The following ST6GALNAC5 variants were observed in gnomAD, a reference collection of about 807,000 sequenced individuals.
The protein encoded by ST6GALNAC5 is alpha-N-acetylgalactosaminide alpha-2,6-sialyltransferase 5.
In ST6GALNAC5, 27 loss-of-function variants were observed where a neutral mutation model predicts 33.6. That is an observed-to-expected ratio of 0.80 (90% CI 0.59 to 1.11). The LOEUF (loss-of-function observed/expected upper bound fraction) is 1.11, where lower values mean the gene tolerates loss of function less well. ST6GALNAC5 is among the 50% of genes least tolerant of loss of function. ST6GALNAC5 has a pLI of 0.00. For missense variants in ST6GALNAC5, 428 were observed against 454.0 expected (o/e 0.94, Z 0.52); for synonymous variants, 194 against 171.2 (o/e 1.13, Z -1.04).
At chr1:76,876,876 G>C (rs1020340346) in intron 2 of ST6GALNAC5, among the ~76,000 whole-genome samples, 1 of 152,142 alleles carries the variant, frequency 6.6e-6, no homozygotes, top group Non-Finnish European at 1.5e-5. Context: ...AACTCCCCAT[G>C]AGGCCATCTG....
Position 76,935,831 on chromosome 1 carries a change from C to T in ST6GALNAC5, c.261+67089C>T, listed in dbSNP as rs985806930. ...TGCAATTATTAAATGCCTGCAAAGTCCAGACACTTTCTAGCCCTTGGGATA... is the reference window on the plus strand; with the variant it reads ...TGCAATTATTAAATGCCTGCAAAGTTCAGACACTTTCTAGCCCTTGGGATA... On this transcript the variant is annotated intron_variant, in intron 2 of 4. Coordinates refer to ENST00000477717, the MANE Select transcript of ST6GALNAC5 (RefSeq NM_030965.3). 7.2e-5 allele frequency among the ~76,000 whole-genome samples: 11 copies of T among 152,140 alleles called. No homozygotes were observed. In the South Asian group the frequency reaches 2.3e-3, roughly 32 times the overall value.
intron 2 of ST6GALNAC5, among the ~76,000 whole-genome samples, chr1:76,892,382 CT>C (rs1654032762): frequency 2.0e-5 from 3 of 152,022 alleles, no homozygotes; most frequent in South Asian, 2.1e-4. Flanking sequence ...TTTTTCTCCC[CT>C]TTAGTCACAG....
At chr1:76,962,415 T>G (rs960187283) in intron 2 of ST6GALNAC5, among the ~76,000 whole-genome samples, 1 of 152,202 alleles carries the variant, frequency 6.6e-6, no homozygotes, top group African/African-American at 2.4e-5. Context: ...TTGAAGGAGA[T>G]GTAATTACAG....
At chr1:76,942,968 A>C (rs1239486551) in intron 2 of ST6GALNAC5, among the ~76,000 whole-genome samples, 1 of 152,122 alleles carries the variant, frequency 6.6e-6, no homozygotes, top group Non-Finnish European at 1.5e-5. Flanking sequence ...AATTCCATGA[A>C]AAACAACTCT....
intron 2 of ST6GALNAC5, among the ~76,000 whole-genome samples, chr1:76,902,168 A>C (rs910143411): frequency 5.3e-5 from 8 of 152,214 alleles, no homozygotes; most frequent in Non-Finnish European, 8.8e-5. Flanking sequence ...AAATGAGTTC[A>C]TCAAGGCTGC....
At chr1:76,876,686 C>A (rs925233889) in intron 2 of ST6GALNAC5, among the ~76,000 whole-genome samples, 1 of 152,178 alleles carries the variant, frequency 6.6e-6, no homozygotes, top group Non-Finnish European at 1.5e-5. Flanking sequence ...TGCACAACCA[C>A]GTGCACTGCT....
chr1:76,895,555 A>G (rs1174595728), intron 2 of ST6GALNAC5, among the ~76,000 whole-genome samples: 2 of 152,304 alleles, frequency 1.3e-5, no homozygotes, highest in South Asian at 4.1e-4. Flanking sequence ...AATTGGGAGG[A>G]CCCAGGACAT....
chr1:76,962,048 A>G (rs1270532229), intron 2 of ST6GALNAC5, among the ~76,000 whole-genome samples: 11 of 152,198 alleles, frequency 7.2e-5, no homozygotes, highest in Admixed American at 7.2e-4. Flanking sequence ...CCAAAGTGAA[A>G]CAAACACTGA....
At chr1:76,875,367 TA>T (rs1042779231) in intron 2 of ST6GALNAC5, among the ~76,000 whole-genome samples, 2 of 152,196 alleles carry the variant, frequency 1.3e-5, no homozygotes, top group African/African-American at 4.8e-5. Context: ...GGTAATAACC[TA>T]ATGGACACCC....
At chr1:76,894,125 A>T (rs1654072864) in intron 2 of ST6GALNAC5, among the ~76,000 whole-genome samples, 1 of 152,238 alleles carries the variant, frequency 6.6e-6, no homozygotes, top group Non-Finnish European at 1.5e-5. Context: ...CCTCTGCAGA[A>T]GAAACTATTT....
chr1:77,052,912 T>C (rs12093768), intron 4 of ST6GALNAC5, among the ~76,000 whole-genome samples: 4,176 of 109,726 alleles, frequency 0.038, 129 homozygotes, highest in African/African-American at 0.1. Context: ...AGTGAGGCTC[T>C]GTCTCAAAAA....
intron 2 of ST6GALNAC5, among the ~76,000 whole-genome samples, chr1:76,968,796 A>C (rs1328231222): frequency 2.0e-5 from 3 of 152,048 alleles, no homozygotes; most frequent in African/African-American, 2.4e-5. Flanking sequence ...AATCTCTCAG[A>C]ATTTGCTGTC....
chr1:76,880,100 T>A (rs1333532081), intron 2 of ST6GALNAC5, among the ~76,000 whole-genome samples: 5 of 152,184 alleles, frequency 3.3e-5, no homozygotes, highest in African/African-American at 1.2e-4. Flanking sequence ...TTCATCACTT[T>A]GTCCACTGAA....
intron 2 of ST6GALNAC5, among the ~76,000 whole-genome samples, chr1:76,932,956 T>C (rs1055155327): frequency 6.6e-6 from 1 of 152,150 alleles, no homozygotes; most frequent in Admixed American, 6.6e-5. Context: ...GTTGGAAATA[T>C]ATTTTCAGTC....
intron 4 of ST6GALNAC5, among the ~76,000 whole-genome samples, chr1:77,058,958 C>G (rs1652487306): frequency 6.6e-6 from 1 of 152,222 alleles, no homozygotes; most frequent in East Asian, 1.9e-4. Flanking sequence ...CAGGTACTTA[C>G]AAAATCAGTT....
intron 2 of ST6GALNAC5, among the ~76,000 whole-genome samples, chr1:76,982,927 G>T (rs979900957): frequency 2.0e-5 from 3 of 151,934 alleles, no homozygotes; most frequent in African/African-American, 7.2e-5. Flanking sequence ...CATACGTGAA[G>T]GAGAAATAAA....
intron 2 of ST6GALNAC5, among the ~76,000 whole-genome samples, chr1:76,945,806 C>T (rs1647497358): frequency 6.6e-6 from 1 of 152,116 alleles, no homozygotes; most frequent in South Asian, 2.1e-4. Context: ...TAATAGAAGT[C>T]ATGCATTCTC....
chr1:77,051,357 A>G (rs1470673047), intron 4 of ST6GALNAC5, among the ~76,000 whole-genome samples: 1 of 152,180 alleles, frequency 6.6e-6, no homozygotes, highest in Non-Finnish European at 1.5e-5. Context: ...TGGAAGAGTC[A>G]GGCCGCAAAG....
In ST6GALNAC5 at chr1:77,044,422, C is replaced by T. The variant is rs1651938830; in HGVS notation, c.480C>T (p.Leu160=). 3 of 1,613,208 alleles carry T rather than the reference C, an allele frequency of 1.9e-6. No homozygotes were observed. Among genetic ancestry groups the T allele is most frequent in the African/African-American group, 1.3e-5 (1 of 74,906 alleles). ...TCCTCCGCAACCGCCATGACCTGCT[C>T]AACGTGAGCCAGGGCACCGTGTTCA... ...QRILRNRHDL[L]NVSQGTVFIF... is the part of the protein sequence containing the mutation. Residue 160 remains leucine (L), a synonymous_variant, in exon 3 of 5, where the codon CTC becomes CTT. Transcript: ENST00000477717.
Sources: gnomAD v4.1 joint callset for allele counts (sites outside exome capture counted in the v4.1 genomes callset) on GRCh38, gnomAD v4.1.1 for gene constraint, MANE v1.5 for transcripts, NCBI Gene and HGNC (gene_info 2026-07-23, HGNC 2026-07-21) for gene names.